Variants in CRX observed in about 807,000 individuals in gnomAD.
CRX encodes cone-rod homeobox protein.
A neutral mutation model predicts 13.1 loss-of-function variants in CRX; 5 were observed. That is an observed-to-expected ratio of 0.38 (90% CI 0.20 to 0.80). CRX has a LOEUF of 0.80. Ranked by LOEUF, CRX falls within the 30% of genes least tolerant of loss-of-function variation. The pLI is 0.43. For synonymous variants in CRX, 179 were observed against 171.1 expected (o/e 1.05, Z -0.36); for missense variants, 351 against 391.8 (o/e 0.90, Z 0.88).
At chr19:47,833,105 C>T (rs1255276484) in intron 1 of CRX, among the ~76,000 whole-genome samples, 5 of 95,584 alleles carry the variant, frequency 5.2e-5, no homozygotes, top group Admixed American at 3.7e-4. Flanking sequence ...CTCACTATTT[C>T]TTTTTCTTTT....
At chr19:47,828,535 G>A (rs528164529) in intron 1 of CRX, among the ~76,000 whole-genome samples, 22 of 152,062 alleles carry the variant, frequency 1.4e-4, no homozygotes, top group Non-Finnish European at 3.1e-4. Context: ...GATAGAATTT[G>A]AGGGAGAGAG....
rs71180889 is a variant in CRX, at chr19:47,829,804, AT to A, written c.-35-4594del. ...ACCACCATGCCTGACCAATTTTTGT[AT>A]TTTTTTTTTTGTGGAGACAGCGTTT... is the stretch of plus-strand genomic sequence containing the variant. On this transcript the variant is annotated intron_variant, in intron 1 of 3. Coordinates refer to ENST00000221996, the MANE Select transcript of CRX (RefSeq NM_000554.6). 5.9e-3 allele frequency among the ~76,000 whole-genome samples: 839 copies of A among 141,672 alleles called. 6 individuals are homozygous for A. Among genetic ancestry groups the A allele is most frequent in the African/African-American group, 0.021 (788 of 38,362 alleles). The allele number at this position is 141,672 out of a possible 152,430, so 92.9% of individuals were successfully genotyped here.
chr19:47,840,858 T>G lies in CRX; in HGVS notation c.*891T>G, dbSNP rs1968188033. ...TCTCCCAATTAGCTGGGATTACAGG[T>G]GTGCTCCATCATGCCCGGCTAATTT... On this transcript the variant is annotated 3_prime_UTR_variant, in exon 4 of 4. Transcript: ENST00000221996. 1 of 151,856 alleles carries G rather than the reference T, an allele frequency of 6.6e-6. No individual in the cohort carries two copies. The highest frequency in any genetic ancestry group is 2.1e-4 in the South Asian group (1 of 4,816). 9.4% of individuals were successfully genotyped at this position (151,856 alleles called of 1,614,324 possible). A position where few individuals can be genotyped will look rare whatever the true frequency, so the allele number is the denominator to read the frequency against.
chr19:47,842,125 A>T lies in CRX; in HGVS notation c.*2158A>T. The T allele has an allele frequency of 6.5e-6, 1 of 152,916 alleles. No individual in the cohort carries two copies. The highest frequency in any genetic ancestry group is 1.9e-4 in the East Asian group (1 of 5,200). 9.5% of individuals were successfully genotyped at this position (152,916 alleles called of 1,614,324 possible). A position where few individuals can be genotyped will look rare whatever the true frequency, so the allele number is the denominator to read the frequency against. ...AGGCGAGATGTGAAGAGAGGCCGGG[A>T]GGTATCAGATGACGTTTCCAGCACT... On this transcript the variant is annotated 3_prime_UTR_variant, in exon 4 of 4. Coordinates refer to ENST00000221996, the MANE Select transcript of CRX (RefSeq NM_000554.6).
Position 47,839,973 on chromosome 19 carries a change from G to T in CRX, c.*6G>T. ...GGAAGTTTCAGATCTTGTAGAGGACGCAGTCTCCATCTCTCTCCATCGGGC... is the reference window on the plus strand; with the variant it reads ...GGAAGTTTCAGATCTTGTAGAGGACTCAGTCTCCATCTCTCTCCATCGGGC... On this transcript the variant is annotated 3_prime_UTR_variant, in exon 4 of 4. Coordinates refer to ENST00000221996, the MANE Select transcript of CRX (RefSeq NM_000554.6). This position sits in a 1 kb window ranked among gnomAD's most constrained non-coding sequence, Gnocchi z 4.6. The T allele has an allele frequency of 6.2e-7, 1 of 1,612,654 alleles. No homozygotes were observed. Among genetic ancestry groups the T allele is most frequent in the Non-Finnish European group, 8.5e-7 (1 of 1,179,892 alleles).
chr19:47,829,988 CA>C (rs550852609), intron 1 of CRX, among the ~76,000 whole-genome samples: 15 of 150,558 alleles, frequency 1.0e-4, no homozygotes, highest in Middle Eastern at 3.5e-3. Context: ...TACTGCCCAG[CA>C]CCATACTTGT....
At chr19:47,830,437 T>A (rs1350385269) in intron 1 of CRX, among the ~76,000 whole-genome samples, 1 of 152,208 alleles carries the variant, frequency 6.6e-6, no homozygotes, top group African/African-American at 2.4e-5. Flanking sequence ...GTGCAGTGGC[T>A]CACGCCTGTA....
chr19:47,832,496 CT>C (rs1031362361), intron 1 of CRX, among the ~76,000 whole-genome samples: 2 of 150,666 alleles, frequency 1.3e-5, no homozygotes, highest in African/African-American at 4.9e-5. Flanking sequence ...TTTTTCTTTT[CT>C]TTTCTTTTTT....
At position 47,836,237 on chromosome 19, in the gene CRX, C is replaced by A; in HGVS notation, c.101-6C>A. The A allele has an allele frequency of 6.2e-7, 1 of 1,614,068 alleles. No homozygotes were observed. The highest frequency in any genetic ancestry group is 8.5e-7 in the Non-Finnish European group (1 of 1,180,020). On this transcript the variant is annotated splice_region_variant and splice_polypyrimidine_tract_variant and intron_variant, in intron 2 of 3. Coordinates refer to ENST00000221996, the MANE Select transcript of CRX (RefSeq NM_000554.6). ...CCTGAGGGTCCTGTTTCCCATCCCA[C>A]CCCAGGCGCCCCCAGGAAGCAGCGG...
Position 47,825,023 on chromosome 19 carries a change from C to T in CRX, c.-36+3013C>T, listed in dbSNP as rs1051106296. ...TTTTTTTTTTTGGGATGGAGTCGTGCTCTGTCGCCCAGGTTGGAATGCAGT... is the reference window on the plus strand; with the variant it reads ...TTTTTTTTTTTGGGATGGAGTCGTGTTCTGTCGCCCAGGTTGGAATGCAGT... On this transcript the variant is annotated intron_variant, in intron 1 of 3. Coordinates refer to ENST00000221996, the MANE Select transcript of CRX (RefSeq NM_000554.6). Among the ~76,000 whole-genome samples, 4 of 116,736 alleles carry T rather than the reference C, an allele frequency of 3.4e-5. No homozygotes were observed. The Admixed American group carries it at 4.5e-4, about 13-fold the overall frequency. The allele number at this position is 116,736 out of a possible 152,430, so 76.6% of individuals were successfully genotyped here.
chr19:47,828,434 T>A (rs1968002936), intron 1 of CRX, among the ~76,000 whole-genome samples: 1 of 152,126 alleles, frequency 6.6e-6, no homozygotes, highest in Non-Finnish European at 1.5e-5. Flanking sequence ...CATCCATTTT[T>A]AATTCTTTTT....
chr19:47,828,776 T>C (rs545215834), intron 1 of CRX, among the ~76,000 whole-genome samples: 1 of 151,940 alleles, frequency 6.6e-6, no homozygotes, highest in East Asian at 1.9e-4. Flanking sequence ...CAAATAGCTG[T>C]GGAGGGTGAG....
intron 1 of CRX, among the ~76,000 whole-genome samples, chr19:47,822,859 T>C (rs536555120): frequency 1.8e-4 from 28 of 152,202 alleles, no homozygotes; most frequent in Admixed American, 3.9e-4. Context: ...AGTGCCACGA[T>C]CTCCACTCAC....
chr19:47,822,586 A>G (rs948066115), intron 1 of CRX, among the ~76,000 whole-genome samples: 1 of 152,266 alleles, frequency 6.6e-6, no homozygotes, highest in Non-Finnish European at 1.5e-5. Context: ...CAACAGGAAG[A>G]ACTCCGGGTG....
At chr19:47,823,932 G>A (rs142271121) in intron 1 of CRX, among the ~76,000 whole-genome samples, 4,913 of 152,288 alleles carry the variant, frequency 0.032, 118 homozygotes, top group Middle Eastern at 0.054. Flanking sequence ...TTACAGGCGT[G>A]AGCCACCACA....
At chr19:47,823,421 G>A (rs10425419) in intron 1 of CRX, among the ~76,000 whole-genome samples, 24,588 of 152,128 alleles carry the variant, frequency 0.16, 2,757 homozygotes, top group African/African-American at 0.31. Flanking sequence ...GGATCACATT[G>A]TTGATCACGG....
chr19:47,834,136 G>A lies in CRX; in HGVS notation c.-35-273G>A, dbSNP rs531720089. Among the ~76,000 whole-genome samples, 7 of 152,148 alleles carry A rather than the reference G, an allele frequency of 4.6e-5. No individual in the cohort carries two copies. The South Asian group carries it at 1.0e-3, about 23-fold the overall frequency. On this transcript the variant is annotated intron_variant, in intron 1 of 3. Transcript: ENST00000221996. ...GTGAGCCATTGTGCCTAGCCAGGAC[G>A]AGATTTTTAGAGGGTAGAGTAGGAA...
chr19:47,823,199 G>C (rs1740605647), intron 1 of CRX, among the ~76,000 whole-genome samples: 1 of 152,098 alleles, frequency 6.6e-6, no homozygotes, highest in African/African-American at 2.4e-5. Flanking sequence ...CCAGTGCTTG[G>C]GTCAGTCCTA....
intron 3 of CRX, among the ~76,000 whole-genome samples, chr19:47,837,240 C>T (rs990137258): frequency 6.6e-6 from 1 of 152,156 alleles, no homozygotes; most frequent in African/African-American, 2.4e-5. Flanking sequence ...GATCTTGGCT[C>T]ACTGCAACCT....
Sources: gnomAD v4.1 joint callset for allele counts (sites outside exome capture counted in the v4.1 genomes callset) on GRCh38, gnomAD v4.1.1 for gene constraint, Gnocchi (gnomAD v3.1) non-coding constraint, MANE v1.5 for transcripts, NCBI Gene and HGNC (gene_info 2026-07-23, HGNC 2026-07-21) for gene names.